SFSWAP: variants seen among roughly 807,000 people sequenced by gnomAD.
The protein encoded by SFSWAP is splicing factor, suppressor of white-apricot homolog.
A neutral mutation model predicts 100.7 loss-of-function variants in SFSWAP; 17 were observed. That is an observed-to-expected ratio of 0.17 (90% CI 0.12 to 0.25). SFSWAP has a LOEUF of 0.25. SFSWAP is among the 10% of genes least tolerant of loss of function. SFSWAP has a pLI of 1.00. For missense variants in SFSWAP, 1,005 were observed against 1,262.6 expected, an observed-to-expected ratio of 0.80 and a Z score of 3.09; for synonymous variants, 504 against 510.1, an observed-to-expected ratio of 0.99 and a Z score of 0.16.
At chr12:131,799,340 C>G in intron 17 of SFSWAP, 83 bp from the exon 18 acceptor site, 1 of 1,434,658 alleles carries the variant, frequency 7.0e-7, no homozygotes, top group Non-Finnish European at 9.8e-7. Context: ...GTCTTGACCA[C>G]CAACTCGTTG....
At chr12:131,752,887 A>G (rs748379037) in intron 7 of SFSWAP, among the ~76,000 whole-genome samples, 1 of 152,252 alleles carries the variant, frequency 6.6e-6, no homozygotes, top group African/African-American at 2.4e-5. Context: ...GAATGTCCTC[A>G]TGCCATTCGC....
chr12:131,732,451 TA>T (rs1879604153), intron 7 of SFSWAP, among the ~76,000 whole-genome samples: 1 of 152,100 alleles, frequency 6.6e-6, no homozygotes, highest in African/African-American at 2.4e-5. Flanking sequence ...GAATGTAGTG[TA>T]TGAGGTTGGT....
At chr12:131,746,870 C>T (rs1164208150) in intron 7 of SFSWAP, among the ~76,000 whole-genome samples, 1 of 152,072 alleles carries the variant, frequency 6.6e-6, no homozygotes, top group Non-Finnish European at 1.5e-5. Context: ...TTTGGGAGGC[C>T]AAGGCGGGCA....
intron 15 of SFSWAP, among the ~76,000 whole-genome samples, chr12:131,790,108 G>A (rs1267813954): frequency 6.6e-6 from 1 of 152,182 alleles, no homozygotes; most frequent in Admixed American, 6.5e-5. Flanking sequence ...TTATGCTGAA[G>A]ACCCTGCCCC....
At chr12:131,776,682 C>T (rs1038779166) in intron 13 of SFSWAP, among the ~76,000 whole-genome samples, 7 of 152,332 alleles carry the variant, frequency 4.6e-5, no homozygotes, top group South Asian at 2.1e-4. Flanking sequence ...GAGCTCTCCC[C>T]GGGGAGCAGC....
intron 13 of SFSWAP, among the ~76,000 whole-genome samples, chr12:131,767,578 C>T (rs1244942521): frequency 1.3e-5 from 2 of 152,178 alleles, no homozygotes; most frequent in Non-Finnish European, 2.9e-5. Context: ...AAGCTGACAA[C>T]ATTTGAACTA....
At chr12:131,732,101 G>C (rs1879571082) in intron 7 of SFSWAP, among the ~76,000 whole-genome samples, 1 of 151,540 alleles carries the variant, frequency 6.6e-6, no homozygotes, top group Non-Finnish European at 1.5e-5. Flanking sequence ...GTAGAGACGG[G>C]GTTTCACCAT....
intron 15 of SFSWAP, among the ~76,000 whole-genome samples, chr12:131,792,261 G>A (rs1357338855): frequency 6.6e-6 from 1 of 150,610 alleles, no homozygotes; most frequent in Admixed American, 6.6e-5. Context: ...GACCAGTACT[G>A]TGTGTGCATA....
chr12:131,785,081 C>T, intron 14 of SFSWAP: 1 of 1,534,678 alleles, frequency 6.5e-7, no homozygotes, highest in Non-Finnish European at 8.7e-7. Context: ...AGAGTCACAG[C>T]CTCCCCAGGG....
At chr12:131,728,707 T>TG (rs1394630611) in intron 7 of SFSWAP, among the ~76,000 whole-genome samples, 1 of 151,496 alleles carries the variant, frequency 6.6e-6, no homozygotes, top group East Asian at 1.9e-4. Flanking sequence ...TCTTTCTTTT[T>TG]TTTTTTTTTT....
intron 14 of SFSWAP, chr12:131,784,929 T>C: frequency 1.9e-6 from 1 of 532,450 alleles, no homozygotes; most frequent in Non-Finnish European, 3.0e-6. Flanking sequence ...TTTTTCCTGA[T>C]TATTGAGTTT....
At chr12:131,785,285 G>GAA in intron 14 of SFSWAP, 2 of 1,442,386 alleles carry the variant, frequency 1.4e-6, no homozygotes, top group Non-Finnish European at 1.9e-6. Flanking sequence ...AAAGGTCTGG[G>GAA]AAAAAATCAA....
intron 7 of SFSWAP, among the ~76,000 whole-genome samples, chr12:131,736,618 C>T (rs1880045322): frequency 6.6e-6 from 1 of 152,076 alleles, no homozygotes; most frequent in African/African-American, 2.4e-5. Context: ...ACCCCTCCAG[C>T]GCTTTGGTTC....
At position 131,799,491 on chromosome 12, in the gene SFSWAP, C is replaced by A. The variant is rs758788104; in HGVS notation, c.*3C>A. 1 of 1,613,528 alleles carries A rather than the reference C, an allele frequency of 6.2e-7. No individual in the cohort carries two copies. The highest frequency in any genetic ancestry group is 8.5e-7 in the Non-Finnish European group (1 of 1,179,662). On this transcript the variant is annotated 3_prime_UTR_variant, in exon 18 of 18. Transcript: ENST00000261674. Reference sequence around the variant, plus strand: ...ACCTGCAAACCAGCGCTTCCTGAGACGGGGCCAGCGGAGGCAGAGCCGGGA... The same window carrying A: ...ACCTGCAAACCAGCGCTTCCTGAGAAGGGGCCAGCGGAGGCAGAGCCGGGA...
intron 14 of SFSWAP, among the ~76,000 whole-genome samples, chr12:131,783,074 G>C (rs564820164): frequency 6.6e-6 from 1 of 151,814 alleles, no homozygotes; most frequent in Non-Finnish European, 1.5e-5. Context: ...CCAGCTACTC[G>C]GGAGGCTGAG....
chr12:131,711,143 C>T lies in SFSWAP; in HGVS notation c.-87C>T, dbSNP rs932052345. The stretch of plus-strand genomic sequence containing the variant: ...TGAGGTTGGGTACGGGATGCGGGGT[C>T]TTTGACTGAAGGGGTAGGCCAAGTG... On this transcript the variant is annotated 5_prime_UTR_variant, in exon 1 of 18. Coordinates refer to ENST00000261674, the MANE Select transcript of SFSWAP (RefSeq NM_004592.4). This position sits in a 1 kb window ranked among gnomAD's most constrained non-coding sequence, Gnocchi z 4.9. 69 of 1,130,290 alleles carry T rather than the reference C, an allele frequency of 6.1e-5. No individual in the cohort carries two copies. The African/African-American group carries it at 9.4e-4, about 15-fold the overall frequency. 70.0% of individuals were successfully genotyped at this position (1,130,290 alleles called of 1,614,324 possible).
At chr12:131,752,101 G>GA (rs1361781471) in intron 7 of SFSWAP, among the ~76,000 whole-genome samples, 1 of 152,210 alleles carries the variant, frequency 6.6e-6, no homozygotes, top group Non-Finnish European at 1.5e-5. Context: ...GAAAGGTCAA[G>GA]ATAGTCTAAG....
rs1268538857 is a variant in SFSWAP, at chr12:131,756,679, C to T, written c.1720+35C>T. The T allele has an allele frequency of 1.4e-5, 21 of 1,530,276 alleles. No individual in the cohort carries two copies. In the Admixed American group the frequency reaches 4.3e-4, roughly 31 times the overall value. The allele number at this position is 1,530,276 out of a possible 1,614,324, so 94.8% of individuals were successfully genotyped here. A position where few individuals can be genotyped will look rare whatever the true frequency, so the allele number is the denominator to read the frequency against. The stretch of plus-strand genomic sequence containing the variant: ...CACTTGCATGTTGGCCTTGCACATT[C>T]CACCATAAGTTGGCAAGCGTAGGAT... On this transcript the variant is annotated intron_variant, in intron 11 of 17. Transcript: ENST00000261674.
intron 15 of SFSWAP, among the ~76,000 whole-genome samples, chr12:131,786,815 T>C (rs1884930627): frequency 6.6e-6 from 1 of 152,148 alleles, no homozygotes; most frequent in African/African-American, 2.4e-5. Flanking sequence ...ACCGGGGCTC[T>C]GCACGGCCTG....
Sources: gnomAD v4.1 joint callset for allele counts (sites outside exome capture counted in the v4.1 genomes callset) on GRCh38, gnomAD v4.1.1 for gene constraint, Gnocchi (gnomAD v3.1) non-coding constraint, MANE v1.5 for transcripts, NCBI Gene and HGNC (gene_info 2026-07-23, HGNC 2026-07-21) for gene names.